The following FNDC3B variants were observed in gnomAD, a reference collection of about 807,000 sequenced individuals.
The protein encoded by FNDC3B is fibronectin type III domain containing 3B.
In FNDC3B, 12 loss-of-function variants were observed where a neutral mutation model predicts 151.5. That is an observed-to-expected ratio of 0.08 (90% CI 0.05 to 0.13). FNDC3B has a LOEUF of 0.13. Among genes scored for constraint, FNDC3B ranks in the 10% least tolerant of loss-of-function variants. FNDC3B has a pLI of 1.00. For synonymous variants in FNDC3B, 528 were observed against 549.0 expected, an observed-to-expected ratio of 0.96 and a Z score of 0.54; for missense variants, 1,214 against 1,505.3, an observed-to-expected ratio of 0.81 and a Z score of 3.20.
intron 1 of FNDC3B, among the ~76,000 whole-genome samples, chr3:172,053,633 G>A (rs894593285): frequency 4.6e-5 from 7 of 152,036 alleles, no homozygotes; most frequent in African/African-American, 2.4e-5. Context: ...TTAGCCAGGC[G>A]TGGTGGCGGG....
intron 11 of FNDC3B, among the ~76,000 whole-genome samples, chr3:172,323,521 A>T (rs944251409): frequency 2.6e-5 from 4 of 152,008 alleles, no homozygotes; most frequent in African/African-American, 9.7e-5. Flanking sequence ...CTTGTCTCTC[A>T]CACACACACA....
At chr3:172,276,098 A>G in intron 6 of FNDC3B, among the ~76,000 whole-genome samples, 1 of 152,208 alleles carries the variant, frequency 6.6e-6, no homozygotes, top group East Asian at 1.9e-4. Context: ...TTCTTTTTCT[A>G]GTCACATTTA....
chr3:172,147,171 TG>T (rs1442466937), intron 3 of FNDC3B, among the ~76,000 whole-genome samples: 1 of 152,044 alleles, frequency 6.6e-6, no homozygotes, highest in African/African-American at 2.4e-5. Context: ...CCAGGTGTGG[TG>T]GTGCATGCCT....
intron 3 of FNDC3B, among the ~76,000 whole-genome samples, chr3:172,166,643 T>TA (rs1360923031): frequency 6.6e-6 from 1 of 152,168 alleles, no homozygotes; most frequent in Non-Finnish European, 1.5e-5. Context: ...TAGTCCCAGC[T>TA]ACTCAGGAGG....
intron 6 of FNDC3B, 62 bp from the exon 7 acceptor site, chr3:172,285,864 A>G (rs1163107219): frequency 7.7e-7 from 1 of 1,299,512 alleles, no homozygotes; most frequent in Non-Finnish European, 1.1e-6. Context: ...TGGGGAAGGA[A>G]CTTGACAACC....
At chr3:172,300,148 CAAG>C (rs1730833585) in intron 9 of FNDC3B, among the ~76,000 whole-genome samples, 1 of 152,106 alleles carries the variant, frequency 6.6e-6, no homozygotes, top group Non-Finnish European at 1.5e-5. Context: ...ACACTCTGTA[CAAG>C]AAGATCTGTG....
At chr3:172,261,461 T>C (rs1368302678) in intron 6 of FNDC3B, among the ~76,000 whole-genome samples, 2 of 152,240 alleles carry the variant, frequency 1.3e-5, no homozygotes, top group African/African-American at 4.8e-5. Flanking sequence ...GTGATAATTA[T>C]AGTCTATACT....
intron 22 of FNDC3B, among the ~76,000 whole-genome samples, chr3:172,354,502 A>AAT (rs1553795471): frequency 1.8e-4 from 27 of 150,970 alleles, no homozygotes; most frequent in African/African-American, 2.4e-4. Flanking sequence ...CAATAAAAAA[A>AAT]AATAATAATA....
chr3:172,169,604 G>A (rs1333241049), intron 3 of FNDC3B, among the ~76,000 whole-genome samples: 1 of 152,158 alleles, frequency 6.6e-6, no homozygotes, highest in East Asian at 1.9e-4. Flanking sequence ...ATGGGGCCAC[G>A]CCGGCAGAGA....
intron 15 of FNDC3B, chr3:172,335,922 A>G (rs1273909388): frequency 2.0e-5 from 3 of 152,144 alleles, no homozygotes; most frequent in Admixed American, 1.3e-4. Context: ...GTTACCTAAT[A>G]ATTGTGAGAT....
chr3:172,353,061 C>A lies in FNDC3B; in HGVS notation c.2773C>A (p.Leu925Ile). The change falls in exon 22 of 26, where the codon CTC (leucine) becomes ATC (isoleucine). Residue 925 changes from leucine (L) to isoleucine (I), a missense_variant. Coordinates refer to ENST00000415807, the MANE Select transcript of FNDC3B (RefSeq NM_022763.4). ...GNTTMHVMKD[L>I]LPETTYRIRI... is the part of the protein sequence containing the mutation. ...CACCACCATGCATGTTATGAAAGAT[C>A]TCCTTCCAGAAACCACCTACCGGTG... 1 of 1,613,954 alleles carries A rather than the reference C, an allele frequency of 6.2e-7. No individual in the cohort carries two copies. The highest frequency in any genetic ancestry group is 1.1e-5 in the South Asian group (1 of 91,078).
chr3:172,175,951 C>T (rs1230479580), intron 3 of FNDC3B, among the ~76,000 whole-genome samples: 2 of 152,128 alleles, frequency 1.3e-5, no homozygotes, highest in Non-Finnish European at 2.9e-5. Flanking sequence ...ATTTTTGTTC[C>T]TTTTCTATTA....
At chr3:172,089,072 T>C (rs1179595402) in intron 1 of FNDC3B, among the ~76,000 whole-genome samples, 1 of 152,188 alleles carries the variant, frequency 6.6e-6, no homozygotes, top group African/African-American at 2.4e-5. Context: ...TAGTTTTGGA[T>C]AAATGGGATT....
At chr3:172,132,156 A>C (rs1721137386) in intron 2 of FNDC3B, among the ~76,000 whole-genome samples, 1 of 152,160 alleles carries the variant, frequency 6.6e-6, no homozygotes, top group Admixed American at 6.5e-5. Context: ...ACAAGCTGAG[A>C]AGGATGAATA....
chr3:172,171,620 GA>G (rs1723288754), intron 3 of FNDC3B, among the ~76,000 whole-genome samples: 1 of 55,084 alleles, frequency 1.8e-5, no homozygotes, highest in African/African-American at 5.6e-5. Context: ...TTTTTTTTTG[GA>G]AAGTGCAGAG....
intron 3 of FNDC3B, among the ~76,000 whole-genome samples, chr3:172,200,786 A>G (rs1725107311): frequency 6.6e-6 from 1 of 152,208 alleles, no homozygotes; most frequent in Non-Finnish European, 1.5e-5. Context: ...AAATGAATGC[A>G]ATGGTATATT....
At chr3:172,349,530 A>G (rs987764735) in intron 21 of FNDC3B, among the ~76,000 whole-genome samples, 9 of 152,244 alleles carry the variant, frequency 5.9e-5, no homozygotes, top group Admixed American at 5.2e-4. Flanking sequence ...AATGTTTTCC[A>G]TAGAGCCAAG....
chr3:172,261,479 T>C (rs975809256), intron 6 of FNDC3B, among the ~76,000 whole-genome samples: 1 of 152,248 alleles, frequency 6.6e-6, no homozygotes, highest in African/African-American at 2.4e-5. Context: ...ACTACAAATA[T>C]GTTCATTATT....
At chr3:172,231,365 G>T (rs987554727) in intron 4 of FNDC3B, among the ~76,000 whole-genome samples, 1 of 152,172 alleles carries the variant, frequency 6.6e-6, no homozygotes. Flanking sequence ...GTAGATAGTG[G>T]TAGTGGTTAC....
Sources: gnomAD v4.1 joint callset for allele counts (sites outside exome capture counted in the v4.1 genomes callset) on GRCh38, gnomAD v4.1.1 for gene constraint, MANE v1.5 for transcripts, NCBI Gene and HGNC (gene_info 2026-07-23, HGNC 2026-07-21) for gene names.